The following DOC2A variants were observed in gnomAD, a reference collection of about 807,000 sequenced individuals.
DOC2A encodes the protein double C2-like domain-containing protein alpha.
Under a neutral mutation model 40.6 loss-of-function variants are expected in DOC2A, and 28 were observed. The ratio of observed to expected loss-of-function variants is 0.69; its 90% CI spans 0.51 to 0.95. The LOEUF is 0.95. Among genes scored for constraint, DOC2A ranks in the 40% least tolerant of loss-of-function variants. The pLI is 0.00. For missense variants in DOC2A, 474 were observed against 552.5 expected, an observed-to-expected ratio of 0.86 and a Z score of 1.42; for synonymous variants, 241 against 236.9, an observed-to-expected ratio of 1.02 and a Z score of -0.16.
upstream of DOC2A, among the ~76,000 whole-genome samples, chr16:30,017,248 C>T (rs1010979253): frequency 6.0e-5 from 9 of 149,632 alleles, no homozygotes; most frequent in Non-Finnish European, 1.2e-4. Flanking sequence ...CACTGTACTC[C>T]AGCCTGAGTG....
Position 30,009,908 on chromosome 16 carries a change from G to A in DOC2A, c.262+53C>T, listed in dbSNP as rs1016659311. On this transcript the variant is annotated intron_variant, in intron 2 of 10. Coordinates refer to ENST00000350119, the MANE Select transcript of DOC2A (RefSeq NM_003586.3). The surrounding 1 kb of genome is among the most constrained non-coding windows in gnomAD (Gnocchi z 4.1). The stretch of plus-strand genomic sequence containing the variant: ...CCCATCCCCCTCTCCCCCCACCACG[G>A]CAAGCCTGGAGACCCCCACCAGCAC... The A allele has an allele frequency of 2.3e-5, 37 of 1,607,518 alleles. No homozygotes were observed. Among genetic ancestry groups the A allele is most frequent in the Admixed American group, 8.3e-5 (5 of 59,944 alleles).
chr16:30,007,560 C>T, intron 5 of DOC2A: 1 of 527,754 alleles, frequency 1.9e-6, no homozygotes, highest in South Asian at 2.0e-5. Flanking sequence ...CTCACTGCCT[C>T]CATTCAGGGC....
upstream of DOC2A, chr16:30,011,331 C>T (rs2070775031): frequency 2.0e-6 from 2 of 984,830 alleles, no homozygotes; most frequent in Non-Finnish European, 2.4e-6. Context: ...CACACTTACC[C>T]GGAGAACTTC....
chr16:30,015,701 C>CTTTTTTTT (rs71276819), upstream of DOC2A, among the ~76,000 whole-genome samples: 4 of 122,990 alleles, frequency 3.3e-5, no homozygotes, highest in Non-Finnish European at 5.0e-5. Flanking sequence ...CTTCCTTTTT[C>CTTTTTTTT]TTTTTTTTTT....
Position 30,010,311 on chromosome 16 carries a change from G to C in DOC2A, c.-13-76C>G, listed in dbSNP as rs753016938. On this transcript the variant is annotated intron_variant, in intron 1 of 10. Transcript: ENST00000350119. This position sits in a 1 kb window ranked among gnomAD's most constrained non-coding sequence, Gnocchi z 4.2. ...CTGAGGGCCAGGCGACGGCCTCCTC[G>C]GTCTGTGGGGCCCTCACTGGCCTCC... 1.1e-5 allele frequency: 17 copies of C among 1,582,606 alleles called. No homozygotes were observed. In the South Asian group the frequency reaches 1.4e-4, roughly 13 times the overall value.
chr16:30,016,460 A>C (rs1004491256), upstream of DOC2A, among the ~76,000 whole-genome samples: 1 of 152,190 alleles, frequency 6.6e-6, no homozygotes, highest in African/African-American at 2.4e-5. Flanking sequence ...TGAGTTTAGC[A>C]AGAGGGTGTC....
upstream of DOC2A, among the ~76,000 whole-genome samples, chr16:30,013,860 G>A (rs1252653259): frequency 6.6e-6 from 1 of 151,928 alleles, no homozygotes; most frequent in Non-Finnish European, 1.5e-5. Context: ...GATTACAGGG[G>A]CGCACGCCCC....
chr16:30,018,279 CAAA>C (rs59765302), intron 1 of DOC2A, among the ~76,000 whole-genome samples: 12 of 119,146 alleles, frequency 1.0e-4, no homozygotes, highest in East Asian at 2.4e-4. Flanking sequence ...GATGCTGTCT[CAAA>C]AAAAAAAAAA....
At chr16:30,015,701 CTTTT>C (rs71276819), upstream of DOC2A, among the ~76,000 whole-genome samples, 3 of 122,962 alleles carry the variant, frequency 2.4e-5, no homozygotes, top group Admixed American at 9.2e-5. Flanking sequence ...CTTCCTTTTT[CTTTT>C]TTTTTTTTTT....
chr16:30,009,034 G>T lies in DOC2A; in HGVS notation c.489C>A (p.Ser163Arg), dbSNP rs200874282. 5.9e-5 allele frequency: 95 copies of T among 1,613,972 alleles called. No individual in the cohort carries two copies. The South Asian group carries it at 5.9e-4, about 10-fold the overall frequency. ...GCGTGATGTCGTCATCTGTGATCCC[G>T]CTGTAAGTCAGGTCCTCATTCCACA... is the stretch of plus-strand genomic sequence containing the variant. ...NPVWNEDLTY[S>R]GITDDDITHK... Residue 163 changes from serine to arginine, a missense_variant, in exon 5 of 11, where the codon AGC becomes AGA. Transcript: ENST00000350119. This position sits in a 1 kb window ranked among gnomAD's most constrained non-coding sequence, Gnocchi z 4.1.
chr16:30,010,199 G>A lies in DOC2A; in HGVS notation c.24C>T (p.Arg8=). The change falls in exon 2 of 11, where the codon CGC becomes CGT. Residue 8 remains arginine, a synonymous_variant. Transcript: ENST00000350119. The surrounding 1 kb of genome is among the most constrained non-coding windows in gnomAD (Gnocchi z 4.2). ...TGTGCTCCTGGATGTTGATGGTCAT[G>A]CGATCGCCCCTGCGGCCCCTCATGC... The part of the protein sequence containing the change: MRGRRGD[R]MTINIQEHMA... 6.2e-7 allele frequency: 1 copy of A among 1,613,978 alleles called. No individual in the cohort carries two copies. Among genetic ancestry groups the A allele is most frequent in the Non-Finnish European group, 8.5e-7 (1 of 1,179,970 alleles).
intron 1 of DOC2A, among the ~76,000 whole-genome samples, chr16:30,020,219 T>C (rs1234067895): frequency 6.6e-6 from 1 of 151,512 alleles, no homozygotes; most frequent in East Asian, 2.0e-4. Flanking sequence ...TTTTTTTGGA[T>C]TTTTAGTAGA....
rs200796383 is a variant in DOC2A, at chr16:30,006,452, C to T, written c.1018G>A (p.Val340Ile). 11 of 1,613,718 alleles carry T rather than the reference C, an allele frequency of 6.8e-6. No homozygotes were observed. The highest frequency in any genetic ancestry group is 1.1e-5 in the South Asian group (1 of 91,036). ...GATTTGCCAATGTCATAGTCCCAGA[C>T]GGTGACTTCCAGGGTCTTGGTGGCC... The part of the protein sequence containing the change: ...TLATKTLEVT[V>I]WDYDIGKSND... The change falls in exon 10 of 11, where the codon GTC (valine) becomes ATC (isoleucine). Residue 340 changes from valine (V) to isoleucine (I), a missense_variant. Coordinates refer to ENST00000350119, the MANE Select transcript of DOC2A (RefSeq NM_003586.3). The surrounding 1 kb of genome is among the most constrained non-coding windows in gnomAD (Gnocchi z 6.2).
Position 30,010,303 on chromosome 16 carries a change from G to T in DOC2A, c.-13-68C>A. On this transcript the variant is annotated intron_variant, in intron 1 of 10. Coordinates refer to ENST00000350119, the MANE Select transcript of DOC2A (RefSeq NM_003586.3). This position sits in a 1 kb window ranked among gnomAD's most constrained non-coding sequence, Gnocchi z 4.2. ...CATCCTGGCTGAGGGCCAGGCGACG[G>T]CCTCCTCGGTCTGTGGGGCCCTCAC... is the stretch of plus-strand genomic sequence containing the variant. The T allele has an allele frequency of 1.3e-6, 2 of 1,595,284 alleles. No individual in the cohort carries two copies. The highest frequency in any genetic ancestry group is 4.5e-5 in the East Asian group (2 of 44,832).
At chr16:30,012,246 C>G (rs1005844546), upstream of DOC2A, 1 of 152,224 alleles carries the variant, frequency 6.6e-6, no homozygotes, top group Non-Finnish European at 1.5e-5. Flanking sequence ...TGGGTCCCCT[C>G]TTCCTAGGAG....
upstream of DOC2A, among the ~76,000 whole-genome samples, chr16:30,022,370 G>A (rs2070924394): frequency 6.6e-6 from 1 of 151,566 alleles, no homozygotes; most frequent in South Asian, 2.1e-4. Context: ...ATAGTAATAG[G>A]TGTTCAATAA....
intron 1 of DOC2A, among the ~76,000 whole-genome samples, chr16:30,019,232 C>T (rs531625372): frequency 6.1e-4 from 93 of 152,170 alleles, no homozygotes; most frequent in African/African-American, 1.8e-3. Context: ...GTGGGAGAAT[C>T]GTTTGAACCC....
rs1332581819 is a variant in DOC2A, at chr16:30,006,962, A to T, written c.715-14T>A. ...CGCCTGCTCCAACTGCGGGGCACAG[A>T]CTCAGGGTCAGCCTGGGCCCCTGCA... is the stretch of plus-strand genomic sequence containing the variant. On this transcript the variant is annotated splice_polypyrimidine_tract_variant and intron_variant, in intron 7 of 10. Coordinates refer to ENST00000350119, the MANE Select transcript of DOC2A (RefSeq NM_003586.3). The surrounding 1 kb of genome is among the most constrained non-coding windows in gnomAD (Gnocchi z 6.2). 4 of 1,613,510 alleles carry T rather than the reference A, an allele frequency of 2.5e-6. No homozygotes were observed. The highest frequency in any genetic ancestry group is 2.7e-5 in the African/African-American group (2 of 74,880).
At chr16:30,011,418 C>T, upstream of DOC2A, 1 of 985,250 alleles carries the variant, frequency 1.0e-6, no homozygotes, top group Non-Finnish European at 1.2e-6. Context: ...GGGTGTTCCC[C>T]AACTACTCCT....
Sources: gnomAD v4.1 joint callset for allele counts (sites outside exome capture counted in the v4.1 genomes callset) on GRCh38, gnomAD v4.1.1 for gene constraint, Gnocchi (gnomAD v3.1) non-coding constraint, MANE v1.5 for transcripts, NCBI Gene and HGNC (gene_info 2026-07-23, HGNC 2026-07-21) for gene names.